Variants in KCNH8 observed in about 807,000 individuals in gnomAD.
The protein encoded by KCNH8 is potassium voltage-gated channel subfamily H member 8, also known as voltage-gated delayed rectifier potassium channel KCNH8.
In KCNH8, 70 loss-of-function variants were observed where a neutral mutation model predicts 103.6. That is an observed-to-expected ratio of 0.68 (90% CI 0.56 to 0.82). The LOEUF is 0.82. KCNH8 is among the 40% of genes least tolerant of loss of function. KCNH8 has a pLI of 0.00. For synonymous variants in KCNH8, 498 were observed against 489.4 expected (o/e 1.02, Z -0.23); for missense variants, 1,217 against 1,329.9 (o/e 0.92, Z 1.32).
At chr3:19,466,720 A>G (rs1313269631) in intron 11 of KCNH8, among the ~76,000 whole-genome samples, 3 of 132,194 alleles carry the variant, frequency 2.3e-5, no homozygotes, top group South Asian at 2.4e-4. Flanking sequence ...CTGGAGTGCA[A>G]TGACACGATC....
chr3:19,311,469 T>G (rs1011143759), intron 3 of KCNH8, among the ~76,000 whole-genome samples: 2 of 151,218 alleles, frequency 1.3e-5, no homozygotes, highest in African/African-American at 4.8e-5. Flanking sequence ...TTGACTTTTT[T>G]GCAATATATA....
At chr3:19,317,956 G>C (rs754961912) in intron 3 of KCNH8, among the ~76,000 whole-genome samples, 10 of 151,864 alleles carry the variant, frequency 6.6e-5, no homozygotes, top group Non-Finnish European at 1.3e-4. Context: ...GTTCAACACA[G>C]TATTAGAAGT....
intron 3 of KCNH8, among the ~76,000 whole-genome samples, chr3:19,296,731 A>C (rs1440651215): frequency 1.3e-5 from 2 of 152,164 alleles, no homozygotes; most frequent in Non-Finnish European, 2.9e-5. Context: ...AAAGACTACA[A>C]ATTGGGTTCA....
chr3:19,528,218 T>C (rs189999632), intron 15 of KCNH8, among the ~76,000 whole-genome samples: 6 of 152,162 alleles, frequency 3.9e-5, no homozygotes, highest in East Asian at 3.9e-4. Context: ...TCTGAAGAAA[T>C]AGCTATCCAG....
At chr3:19,404,756 A>G (rs958222219) in intron 7 of KCNH8, among the ~76,000 whole-genome samples, 3 of 151,938 alleles carry the variant, frequency 2.0e-5, no homozygotes, top group African/African-American at 4.8e-5. Context: ...GTTTGGATCT[A>G]TCCTAATTAA....
At chr3:19,477,273 C>A (rs982018098) in intron 11 of KCNH8, among the ~76,000 whole-genome samples, 3 of 151,998 alleles carry the variant, frequency 2.0e-5, no homozygotes, top group African/African-American at 7.2e-5. Flanking sequence ...TCATAATGCT[C>A]CATTCCCAAC....
At chr3:19,379,318 C>T (rs2066256113) in intron 5 of KCNH8, among the ~76,000 whole-genome samples, 1 of 152,164 alleles carries the variant, frequency 6.6e-6, no homozygotes, top group Non-Finnish European at 1.5e-5. Context: ...AAGTATTTAG[C>T]ATAGCATTAG....
chr3:19,347,628 G>C, intron 4 of KCNH8, 97 bp from the exon 5 acceptor site: 1 of 1,424,866 alleles, frequency 7.0e-7, no homozygotes, highest in Non-Finnish European at 9.6e-7. Context: ...TTTGTGTAGT[G>C]AATGATCCTA....
rs948851572 is a variant in KCNH8, at chr3:19,502,441, C to T, written c.2041-7922C>T. Among the ~76,000 whole-genome samples, 14 of 151,978 alleles carry T rather than the reference C, an allele frequency of 9.2e-5. No homozygotes were observed. The East Asian group carries it at 1.4e-3, about 15-fold the overall frequency. On this transcript the variant is annotated intron_variant, in intron 11 of 15. Transcript: ENST00000328405. ...AAACTACTTTAAAGTTCATATGGAACCGAAAAAGAGCCCGCATCGCCAAGT... is the reference window on the plus strand; with the variant it reads ...AAACTACTTTAAAGTTCATATGGAATCGAAAAAGAGCCCGCATCGCCAAGT...
At chr3:19,346,303 A>T (rs1389583562) in intron 4 of KCNH8, among the ~76,000 whole-genome samples, 1 of 152,102 alleles carries the variant, frequency 6.6e-6, no homozygotes, top group African/African-American at 2.4e-5. Context: ...GTTTTATGCC[A>T]AAGTCTACCT....
At position 19,438,215 on chromosome 3, in the gene KCNH8, A is replaced by G; in HGVS notation, c.1229A>G (p.Asn410Ser). The change falls in exon 8 of 16, where the codon AAT becomes AGT. Residue 410 changes from asparagine (N) to serine (S), a missense_variant. By Grantham distance (46) the Asn-to-Ser change is conservative (BLOSUM62 1). This residue lies in a region of KCNH8 where 415 missense variants were observed against 577.4 expected (regional missense o/e 0.72). Transcript: ENST00000328405. ...CTGGAATCTCCATACTATGGCAACAATACCTTGGGGGGCCCGTCGATCCGA... is the reference window on the plus strand; with the variant it reads ...CTGGAATCTCCATACTATGGCAACAGTACCTTGGGGGGCCCGTCGATCCGA... Reference protein sequence around the residue: ...KRLESPYYGNNTLGGPSIRSA... With the variant: ...KRLESPYYGNSTLGGPSIRSA... The G allele has an allele frequency of 6.2e-7, 1 of 1,614,046 alleles. No homozygotes were observed. Among genetic ancestry groups the G allele is most frequent in the Non-Finnish European group, 8.5e-7 (1 of 1,179,996 alleles).
intron 5 of KCNH8, among the ~76,000 whole-genome samples, chr3:19,349,155 C>T (rs926370920): frequency 3.3e-5 from 5 of 151,680 alleles, no homozygotes; most frequent in Admixed American, 6.6e-5. Context: ...GTTAGGCAGA[C>T]GGCAATTTTA....
At chr3:19,494,718 G>A (rs1409226490) in intron 11 of KCNH8, among the ~76,000 whole-genome samples, 1 of 151,832 alleles carries the variant, frequency 6.6e-6, no homozygotes, top group African/African-American at 2.4e-5. Flanking sequence ...CTATATACCT[G>A]GTAATGGGAT....
In KCNH8 at chr3:19,439,411, A is replaced by G. The variant is rs2067245851; in HGVS notation, c.1375+1050A>G. On this transcript the variant is annotated intron_variant, in intron 8 of 15. Transcript: ENST00000328405. ...ATACATAAAGTCTGCAAAAACTGAG[A>G]CTCATAGATGGCAAACGTGAGGAGA... Among the ~76,000 whole-genome samples the G allele has an allele frequency of 2.0e-5, 3 of 152,202 alleles. No homozygotes were observed. The South Asian group carries it at 6.2e-4, about 32-fold the overall frequency.
At chr3:19,284,312 A>G (rs1559458473) in intron 3 of KCNH8, among the ~76,000 whole-genome samples, 1 of 152,162 alleles carries the variant, frequency 6.6e-6, no homozygotes, top group South Asian at 2.1e-4. Flanking sequence ...ATGGACTTCT[A>G]TTAAAAATAC....
At chr3:19,195,591 G>T (rs574624796) in intron 1 of KCNH8, among the ~76,000 whole-genome samples, 51 of 151,812 alleles carry the variant, frequency 3.4e-4, no homozygotes, top group African/African-American at 1.2e-3. Context: ...GCAGAATTTG[G>T]CCCTGTGTAT....
chr3:19,340,498 A>G (rs1012532839), intron 3 of KCNH8, among the ~76,000 whole-genome samples: 5 of 151,996 alleles, frequency 3.3e-5, no homozygotes, highest in Non-Finnish European at 5.9e-5. Flanking sequence ...TTTATTTAGG[A>G]TGAAATTGTA....
intron 15 of KCNH8, among the ~76,000 whole-genome samples, chr3:19,518,800 C>A (rs2068920434): frequency 6.6e-6 from 1 of 151,862 alleles, no homozygotes; most frequent in Non-Finnish European, 1.5e-5. Flanking sequence ...TATAAATCTG[C>A]CTTTTCTGGC....
intron 8 of KCNH8, among the ~76,000 whole-genome samples, chr3:19,444,307 T>C (rs1375591397): frequency 6.6e-6 from 1 of 152,014 alleles, no homozygotes; most frequent in Non-Finnish European, 1.5e-5. Flanking sequence ...TATCTACCTG[T>C]TGGAAGACAA....
Sources: allele counts gnomAD v4.1 joint callset (sites outside exome capture counted in the v4.1 genomes callset), GRCh38; gene constraint gnomAD v4.1.1; regional missense constraint gnomAD v4.1.1; transcripts MANE v1.5; gene names NCBI Gene and HGNC (gene_info 2026-07-23, HGNC 2026-07-21).